CDHR5: variants seen among roughly 807,000 people sequenced by gnomAD.
CDHR5 encodes the protein cadherin related family member 5.
Under a neutral mutation model 69.5 loss-of-function variants are expected in CDHR5, and 82 were observed. The ratio of observed to expected loss-of-function variants is 1.18; its 90% CI spans 0.99 to 1.42. The LOEUF is 1.42. Ranked by LOEUF, CDHR5 falls within the 40% of genes most tolerant of loss-of-function variation. The pLI is 0.00. For synonymous variants in CDHR5, 601 were observed against 510.2 expected (o/e 1.18, Z -2.40); for missense variants, 1,293 against 1,168.9 (o/e 1.11, Z -1.55).
intron 3 of CDHR5, among the ~76,000 whole-genome samples, chr11:623,747 C>T (rs1452135776): frequency 6.6e-6 from 1 of 152,092 alleles, no homozygotes; most frequent in Non-Finnish European, 1.5e-5. Flanking sequence ...CAAAGGGCAA[C>T]AGGGAAGCCG....
rs969120882 is a variant in CDHR5, at chr11:621,596, T to C, written c.473A>G (p.Asp158Gly). 2 of 1,613,370 alleles carry C rather than the reference T, an allele frequency of 1.2e-6. No individual in the cohort carries two copies. Among genetic ancestry groups the C allele is most frequent in the African/African-American group, 1.3e-5 (1 of 74,738 alleles). Residue 158 changes from aspartate to glycine, a missense_variant, in exon 5 of 15, where the codon GAC (aspartate) becomes GGC (glycine). Coordinates refer to ENST00000397542, the MANE Select transcript of CDHR5 (RefSeq NM_021924.5). This position sits in a 1 kb window ranked among gnomAD's most constrained non-coding sequence, Gnocchi z 4.4. The stretch of plus-strand genomic sequence containing the variant: ...TTCCTGGAGGGTGTAGAACAGAATG[T>C]CGTCCTTGTCGCGGTCCTCAGCCTG... Reference protein sequence around the residue: ...QLQAEDRDKDDILFYTLQEMT... With the variant: ...QLQAEDRDKDGILFYTLQEMT...
At position 619,029 on chromosome 11, in the gene CDHR5, C is replaced by CA; in HGVS notation, c.1529dup (p.Arg511GlufsTer204). 1.9e-6 allele frequency: 3 copies of CA among 1,613,374 alleles called. No individual in the cohort carries two copies. Among genetic ancestry groups the CA allele is most frequent in the Non-Finnish European group, 2.5e-6 (3 of 1,179,794 alleles). Reference sequence around the variant, plus strand: ...CGGGTGTGGACGAGGTTGGTGGCCTCAGAGTTGTGCCAGAGGGTGGATGAG... The same window carrying CA: ...CGGGTGTGGACGAGGTTGGTGGCCTCAAGAGTTGTGCCAGAGGGTGGATGAG... On this transcript the variant is annotated frameshift_variant, in exon 13 of 15. Coordinates refer to ENST00000397542, the MANE Select transcript of CDHR5 (RefSeq NM_021924.5). LOFTEE classifies it high-confidence loss of function.
chr11:618,974 A>G lies in CDHR5; in HGVS notation c.1585T>C (p.Ser529Pro), dbSNP rs761411056. The G allele has an allele frequency of 3.7e-6, 6 of 1,610,676 alleles. No homozygotes were observed. The Admixed American group carries it at 8.4e-5, about 22-fold the overall frequency. ...CCACCGGGAGTGGCTGGTTGGTGGG[A>G]GGTGCTGTTTTCTGCACCCGGGGGC... ...GGPPGAENST[S>P]HQPATPGGDT... Residue 529 changes from serine to proline, a missense_variant, in exon 13 of 15, where the codon TCC becomes CCC. By Grantham distance (74) the Ser-to-Pro change is moderately conservative. Coordinates refer to ENST00000397542, the MANE Select transcript of CDHR5 (RefSeq NM_021924.5).
chr11:621,999 C>A lies in CDHR5; in HGVS notation c.313-95G>T, dbSNP rs982408906. ...CCGTCCCCACCGTGAGTGAGGTGCA[C>A]CCCTCAACGGCCACCTGTCCCCGCC... On this transcript the variant is annotated intron_variant, in intron 3 of 14. Coordinates refer to ENST00000397542, the MANE Select transcript of CDHR5 (RefSeq NM_021924.5). The surrounding 1 kb of genome is among the most constrained non-coding windows in gnomAD (Gnocchi z 4.4). 2 of 943,484 alleles carry A rather than the reference C, an allele frequency of 2.1e-6. No individual in the cohort carries two copies. The highest frequency in any genetic ancestry group is 1.6e-5 in the African/African-American group (1 of 61,144). 58.4% of individuals were successfully genotyped at this position (943,484 alleles called of 1,614,324 possible). A position where few individuals can be genotyped will look rare whatever the true frequency, so the allele number is the denominator to read the frequency against.
chr11:620,978 CCCTGA>C, intron 7 of CDHR5, 97 bp downstream of exon 7: 12 of 772,676 alleles, frequency 1.6e-5, no homozygotes, highest in Non-Finnish European at 1.8e-5. Flanking sequence ...CGGCCCCACC[CCCTGA>C]CCCCGACCCC....
In CDHR5 at chr11:617,639, G is replaced by A. The variant is rs758111098; in HGVS notation, c.2250C>T (p.Pro750=). 49 of 1,561,244 alleles carry A rather than the reference G, an allele frequency of 3.1e-5. No individual in the cohort carries two copies. The highest frequency in any genetic ancestry group is 1.8e-4 in the Middle Eastern group (1 of 5,660). The change falls in exon 15 of 15, where the codon CCC becomes CCT. Residue 750 remains proline, a synonymous_variant. Coordinates refer to ENST00000397542, the MANE Select transcript of CDHR5 (RefSeq NM_021924.5). The stretch of plus-strand genomic sequence containing the variant: ...GGGCACCGCCTGGGGAGGCAGGGCC[G>A]GGGGGTGCGGGCTCTGCGGGCATCG... ...EAPMPAEPAP[P]GPASPGGAPE...
intron 3 of CDHR5, among the ~76,000 whole-genome samples, chr11:623,757 G>A (rs543538983): frequency 2.0e-5 from 3 of 152,258 alleles, no homozygotes; most frequent in South Asian, 2.1e-4. Context: ...CAGGGAAGCC[G>A]GTGGGCCAGC....
At chr11:622,981 C>T (rs1193789879) in intron 3 of CDHR5, among the ~76,000 whole-genome samples, 5 of 152,076 alleles carry the variant, frequency 3.3e-5, no homozygotes. Context: ...TTCCCTTTCT[C>T]CCATCTTTTT....
At chr11:620,220 C>T (rs1463593881) in intron 8 of CDHR5, 56 bp from the exon 9 acceptor site, 16 of 1,587,726 alleles carry the variant, frequency 1.0e-5, no homozygotes, top group Non-Finnish European at 1.4e-5. Context: ...GGGACCCAGC[C>T]AGCTCTGCCC....
rs1381289571 is a variant in CDHR5, at chr11:621,434, G to C, written c.529C>G (p.Leu177Val). 4 of 1,612,806 alleles carry C rather than the reference G, an allele frequency of 2.5e-6. No homozygotes were observed. Among genetic ancestry groups the C allele is most frequent in the Middle Eastern group, 1.6e-4 (1 of 6,062 alleles). The change falls in exon 6 of 15, where the codon CTG becomes GTG. Residue 177 changes from leucine to valine, a missense_variant. Transcript: ENST00000397542. This position sits in a 1 kb window ranked among gnomAD's most constrained non-coding sequence, Gnocchi z 4.4. ...MTAGASDYFS[L>V]VSVNRPALRL... ...AGGGCGGGACGGTTTACACTCACCA[G>C]GGAGAAGTAGTCACTGGCACCCTGG...
rs1054266850 is a variant in CDHR5 at position 624,476 on chromosome 11, G to A, written c.261+81C>T. Reference sequence around the variant, plus strand: ...GATGCCCGCAGGCATAGAACTCCTAGGCCCCCAAGGGAGGTGTGGCCTGAG... The same window carrying A: ...GATGCCCGCAGGCATAGAACTCCTAAGCCCCCAAGGGAGGTGTGGCCTGAG... On this transcript the variant is annotated intron_variant, in intron 2 of 14. Transcript: ENST00000397542. The surrounding 1 kb of genome is among the most constrained non-coding windows in gnomAD (Gnocchi z 5.3). 3.6e-6 allele frequency: 5 copies of A among 1,394,308 alleles called. No homozygotes were observed. The highest frequency in any genetic ancestry group is 1.7e-5 in the Admixed American group (1 of 59,370). 86.4% of individuals were successfully genotyped at this position (1,394,308 alleles called of 1,614,324 possible). A position where few individuals can be genotyped will look rare whatever the true frequency, so the allele number is the denominator to read the frequency against.
chr11:624,460 A>AG lies in CDHR5; in HGVS notation c.261+96dup. On this transcript the variant is annotated intron_variant, in intron 2 of 14. Transcript: ENST00000397542. The surrounding 1 kb of genome is among the most constrained non-coding windows in gnomAD (Gnocchi z 5.3). ...AGCATGGGTGTCAGTGGATGCCCGC[A>AG]GGCATAGAACTCCTAGGCCCCCAAG... is the stretch of plus-strand genomic sequence containing the variant. The AG allele has an allele frequency of 8.0e-7, 1 of 1,249,516 alleles. No individual in the cohort carries two copies. The highest frequency in any genetic ancestry group is 1.2e-6 in the Non-Finnish European group (1 of 851,320). The allele number at this position is 1,249,516 out of a possible 1,614,324, so 77.4% of individuals were successfully genotyped here. A position where few individuals can be genotyped will look rare whatever the true frequency, so the allele number is the denominator to read the frequency against.
rs374781464 is a variant in CDHR5, at chr11:618,654, G to C, written c.1905C>G (p.Thr635=). The C allele has an allele frequency of 6.9e-6, 11 of 1,592,122 alleles. No homozygotes were observed. Among genetic ancestry groups the C allele is most frequent in the Non-Finnish European group, 9.4e-6 (11 of 1,167,432 alleles). Residue 635 remains threonine (T), a synonymous_variant, in exon 13 of 15, where the codon ACC becomes ACG. Coordinates refer to ENST00000397542, the MANE Select transcript of CDHR5 (RefSeq NM_021924.5). The part of the protein sequence containing the change: ...PTTPGGGTAQ[T]PEPGTSQPMP... The stretch of plus-strand genomic sequence containing the variant: ...TCGGCTGAGAGGTTCCTGGCTCTGG[G>C]GTCTGTGCTGTGCCCCCACCGGGTG...
In CDHR5 at chr11:624,756, C is replaced by G. The variant is rs757601623; in HGVS notation, c.86-24G>C. Reference sequence around the variant, plus strand: ...GTCTGTAAGGTTGCAGAGGAGGGATCAGTGCCTCCCAGCCCCTGGCTCCCC... The same window carrying G: ...GTCTGTAAGGTTGCAGAGGAGGGATGAGTGCCTCCCAGCCCCTGGCTCCCC... On this transcript the variant is annotated intron_variant, in intron 1 of 14. Transcript: ENST00000397542. This position sits in a 1 kb window ranked among gnomAD's most constrained non-coding sequence, Gnocchi z 5.3. 1 of 1,602,814 alleles carries G rather than the reference C, an allele frequency of 6.2e-7. No individual in the cohort carries two copies. The highest frequency in any genetic ancestry group is 8.5e-7 in the Non-Finnish European group (1 of 1,172,820).
At chr11:622,585 C>T (rs559269107) in intron 3 of CDHR5, among the ~76,000 whole-genome samples, 120 of 152,000 alleles carry the variant, frequency 7.9e-4, no homozygotes, top group Non-Finnish European at 1.4e-3. Flanking sequence ...TCGGCCTCTG[C>T]CCACCTCGGC....
intron 14 of CDHR5, 60 bp downstream of exon 14, chr11:617,894 T>TGTCCCCC (rs1283504569): frequency 5.1e-6 from 8 of 1,563,094 alleles, no homozygotes; most frequent in African/African-American, 2.7e-5. Context: ...TCCCCTCTCC[T>TGTCCCCC]GTCCCCCGTC....
rs1259561360 is a variant in CDHR5, at chr11:617,568, A to G, written c.2321T>C (p.Val774Ala). The change falls in exon 15 of 15, where the codon GTG (valine) becomes GCG (alanine). Residue 774 changes from valine (V) to alanine (A), a missense_variant. Physicochemically the swap from Val to Ala is moderately conservative, Grantham distance 64. Coordinates refer to ENST00000397542, the MANE Select transcript of CDHR5 (RefSeq NM_021924.5). ...CCGCTCCTTGGTCAGGATGGACCTC[A>G]CCGCCGTGGGGCTTCCGCCAGCTCG... is the stretch of plus-strand genomic sequence containing the variant. ...AARAGGSPTA[V>A]RSILTKERRP... The G allele has an allele frequency of 1.9e-6, 3 of 1,611,072 alleles. No homozygotes were observed. The African/African-American group carries it at 4.0e-5, about 22-fold the overall frequency.
At position 624,710 on chromosome 11, in the gene CDHR5, G is replaced by C. The variant is rs368501193; in HGVS notation, c.108C>G (p.Ile36Met). Reference sequence around the variant, plus strand: ...CATTTGTGTTCTCCTCTACTTCAAAGATGTCCTTGTTCACAGAGCAGTCTG... The same window carrying C: ...CATTTGTGTTCTCCTCTACTTCAAACATGTCCTTGTTCACAGAGCAGTCTG... The part of the protein sequence containing the change: ...QAQYCSVNKD[I>M]FEVEENTNVT... The change falls in exon 2 of 15, where the codon ATC becomes ATG. Residue 36 changes from isoleucine to methionine, a missense_variant. Ile to Met is a conservative substitution (Grantham distance 10, BLOSUM62 1). Coordinates refer to ENST00000397542, the MANE Select transcript of CDHR5 (RefSeq NM_021924.5). The surrounding 1 kb of genome is among the most constrained non-coding windows in gnomAD (Gnocchi z 5.3). The C allele has an allele frequency of 2.2e-5, 36 of 1,610,330 alleles. No individual in the cohort carries two copies. Among genetic ancestry groups the C allele is most frequent in the African/African-American group, 4.0e-5 (3 of 74,876 alleles).
intron 7 of CDHR5, among the ~76,000 whole-genome samples, chr11:620,776 G>A (rs1448664359): frequency 6.6e-6 from 1 of 152,096 alleles, no homozygotes; most frequent in Admixed American, 6.5e-5. Context: ...TGGTGACTGT[G>A]AGCAGGGCAG....
Sources: allele counts gnomAD v4.1 joint callset (sites outside exome capture counted in the v4.1 genomes callset), GRCh38; gene constraint gnomAD v4.1.1; non-coding constraint Gnocchi (gnomAD v3.1); transcripts MANE v1.5; gene names NCBI Gene and HGNC (gene_info 2026-07-23, HGNC 2026-07-21).